Variants in TARS3 observed in about 807,000 individuals in gnomAD.
TARS3 encodes threonyl-tRNA synthetase 3.
A neutral mutation model predicts 103.5 loss-of-function variants in TARS3; 94 were observed. The observed-to-expected ratio is 0.91, with a 90% CI of 0.77 to 1.08. The LOEUF (loss-of-function observed/expected upper bound fraction) is 1.08, where lower values mean the gene tolerates loss of function less well. TARS3 is among the 50% of genes least tolerant of loss of function. The pLI, the probability that TARS3 is intolerant of heterozygous loss-of-function variation, is 0.00. For synonymous variants in TARS3, 416 were observed against 355.4 expected (o/e 1.17, Z -1.92); for missense variants, 952 against 995.2 (o/e 0.96, Z 0.58).
intron 4 of TARS3, among the ~76,000 whole-genome samples, chr15:101,713,577 T>C (rs1009288235): frequency 3.3e-5 from 5 of 151,720 alleles, no homozygotes; most frequent in Admixed American, 2.0e-4. Flanking sequence ...TAAAATCTAC[T>C]GGGCTTACCC....
intron 15 of TARS3, among the ~76,000 whole-genome samples, chr15:101,670,320 A>C (rs1034285751): frequency 6.6e-6 from 1 of 152,220 alleles, no homozygotes; most frequent in Non-Finnish European, 1.5e-5. Flanking sequence ...AAAACTCAAC[A>C]GTAAGGAAAC....
chr15:101,689,755 T>C (rs1898628847), intron 10 of TARS3, among the ~76,000 whole-genome samples: 1 of 152,192 alleles, frequency 6.6e-6, no homozygotes, highest in Non-Finnish European at 1.5e-5. Context: ...CCTCCAAAAC[T>C]GGGAGATAAT....
At chr15:101,681,287 A>G (rs1199149522) in intron 12 of TARS3, among the ~76,000 whole-genome samples, 1 of 152,212 alleles carries the variant, frequency 6.6e-6, no homozygotes, top group African/African-American at 2.4e-5. Flanking sequence ...TTTTAGAATC[A>G]GCATGTCAAC....
intron 5 of TARS3, among the ~76,000 whole-genome samples, chr15:101,711,504 G>A (rs569071349): frequency 2.0e-5 from 3 of 152,280 alleles, no homozygotes; most frequent in East Asian, 1.9e-4. Flanking sequence ...CCTACTCAAC[G>A]TGAAGATGAA....
chr15:101,717,749 C>T (rs1900228445), intron 3 of TARS3, among the ~76,000 whole-genome samples: 1 of 152,232 alleles, frequency 6.6e-6, no homozygotes, highest in South Asian at 2.1e-4. Context: ...CGTATGGAGA[C>T]ATGTCACCCA....
intron 10 of TARS3, among the ~76,000 whole-genome samples, chr15:101,686,602 G>GT (rs1411636213): frequency 6.6e-6 from 1 of 152,086 alleles, no homozygotes; most frequent in Non-Finnish European, 1.5e-5. Flanking sequence ...GGAGAAGAGA[G>GT]TTTTTTTCCA....
chr15:101,657,639 C>T (rs151136519), intron 17 of TARS3, 146 bp downstream of exon 17: 7 of 512,040 alleles, frequency 1.4e-5, no homozygotes, highest in East Asian at 3.2e-5. Flanking sequence ...AGACATGATT[C>T]GTGTGTTACT....
At chr15:101,663,020 A>G (rs760881042) in intron 15 of TARS3, among the ~76,000 whole-genome samples, 2 of 152,208 alleles carry the variant, frequency 1.3e-5, no homozygotes, top group Admixed American at 1.3e-4. Context: ...TTCTCATTCC[A>G]AAGTGTGGTA....
intron 18 of TARS3, among the ~76,000 whole-genome samples, chr15:101,655,484 G>A (rs1412737390): frequency 2.1e-5 from 3 of 141,742 alleles, no homozygotes; most frequent in African/African-American, 5.4e-5. Flanking sequence ...AAATGAGAGC[G>A]GGGAGCTCTT....
intron 13 of TARS3, among the ~76,000 whole-genome samples, chr15:101,672,614 T>TG (rs1897855656): frequency 8.0e-6 from 1 of 124,526 alleles, no homozygotes; most frequent in African/African-American, 2.8e-5. Flanking sequence ...CTGGGAAAGC[T>TG]GACTCCTGGA....
At chr15:101,707,493 A>G (rs1205008019) in intron 6 of TARS3, among the ~76,000 whole-genome samples, 1 of 152,246 alleles carries the variant, frequency 6.6e-6, no homozygotes, top group East Asian at 1.9e-4. Flanking sequence ...CGTACAATGG[A>G]ATATTATCCA....
At chr15:101,702,534 C>T (rs913987285) in intron 8 of TARS3, 149 bp from the exon 9 acceptor site, 1 of 685,486 alleles carries the variant, frequency 1.5e-6, no homozygotes, top group Middle Eastern at 3.5e-4. Context: ...CTTTGGGAGG[C>T]CAAGGTGGTT....
chr15:101,657,726 G>T, intron 17 of TARS3, 59 bp downstream of exon 17: 3 of 1,162,006 alleles, frequency 2.6e-6, no homozygotes, highest in Non-Finnish European at 3.7e-6. Flanking sequence ...ACTCCAAATC[G>T]ATGACCTACA....
chr15:101,659,468 C>T (rs1360475163), intron 16 of TARS3, among the ~76,000 whole-genome samples: 1 of 152,186 alleles, frequency 6.6e-6, no homozygotes, highest in African/African-American at 2.4e-5. Flanking sequence ...TTACTTTTGG[C>T]TCCTGGGGAG....
In TARS3 at chr15:101,684,252, G is replaced by A. The variant is rs769518268; in HGVS notation, c.1488-15C>T. 60 of 1,610,596 alleles carry A rather than the reference G, an allele frequency of 3.7e-5. No individual in the cohort carries two copies. In the South Asian group the frequency reaches 6.4e-4, roughly 17 times the overall value. On this transcript the variant is annotated splice_polypyrimidine_tract_variant and intron_variant, in intron 11 of 18. Transcript: ENST00000335968. ...CAAACATTAGACTAGAAAAGATGTG[G>A]TAACACACAGCTTTTACACAGCACA...
chr15:101,708,257 G>GAAAAAAAAAAAAAAAAAAAAA (rs60601502), intron 6 of TARS3, among the ~76,000 whole-genome samples: 1 of 48,622 alleles, frequency 2.1e-5, no homozygotes, highest in Non-Finnish European at 3.4e-5. Flanking sequence ...GACTCTGTCT[G>GAAAAAAAAAAAAAAAAAAAAA]AAAAAAAAAA....
At chr15:101,701,222 G>A (rs749377062) in intron 9 of TARS3, 38 bp from the exon 10 acceptor site, 1 of 1,296,430 alleles carries the variant, frequency 7.7e-7, no homozygotes, top group South Asian at 1.3e-5. Flanking sequence ...AATGTCATCT[G>A]CTATTGCTTA....
At chr15:101,702,207 T>G (rs762490476) in intron 9 of TARS3, 32 bp downstream of exon 9, 8 of 1,607,212 alleles carry the variant, frequency 5.0e-6, no homozygotes, top group Non-Finnish European at 6.8e-6. Flanking sequence ...GGCTTATGAT[T>G]ACATCTCCAG....
At chr15:101,700,996 T>C in intron 10 of TARS3, 90 bp downstream of exon 10, 1 of 816,642 alleles carries the variant, frequency 1.2e-6, no homozygotes, top group Non-Finnish European at 1.9e-6. Context: ...GTAAAGTTAA[T>C]GGAAACGCTT....
Sources: allele counts gnomAD v4.1 joint callset (sites outside exome capture counted in the v4.1 genomes callset), GRCh38; gene constraint gnomAD v4.1.1; transcripts MANE v1.5; gene names NCBI Gene and HGNC (gene_info 2026-07-23, HGNC 2026-07-21).